The following FLVCR2 variants were observed in gnomAD, a reference collection of about 807,000 sequenced individuals.
The protein encoded by FLVCR2 is FLVCR choline and putative heme transporter 2.
FLVCR2 carries 38 observed loss-of-function variants against 48.9 expected under a neutral mutation model. That is an observed-to-expected ratio of 0.78 (90% CI 0.60 to 1.02). FLVCR2 has a LOEUF of 1.02. FLVCR2 is among the 50% of genes least tolerant of loss of function. The pLI is 0.00. For missense variants in FLVCR2, 664 were observed against 663.3 expected, an observed-to-expected ratio of 1.00 and a Z score of -0.01; for synonymous variants, 255 against 257.0, an observed-to-expected ratio of 0.99 and a Z score of 0.07.
intron 1 of FLVCR2, among the ~76,000 whole-genome samples, chr14:75,588,889 C>A (rs969904722): frequency 6.6e-6 from 1 of 152,152 alleles, no homozygotes; most frequent in Non-Finnish European, 1.5e-5. Context: ...ATCCCAATAG[C>A]CCTGAAAGTC....
Position 75,641,237 on chromosome 14 carries a change from C to G in FLVCR2, c.1397C>G (p.Thr466Ser). 6.2e-7 allele frequency: 1 copy of G among 1,614,048 alleles called. No homozygotes were observed. Among genetic ancestry groups the G allele is most frequent in the Non-Finnish European group, 8.5e-7 (1 of 1,179,994 alleles). Reference protein sequence around the residue: ...SQGQIIDNYGTKPGNIFLCVF... With the variant: ...SQGQIIDNYGSKPGNIFLCVF... ...GGCCAGATTATTGACAACTATGGAA[C>G]CAAGCCTGGGAACATCTTCCTGTGT... The change falls in exon 8 of 10, where the codon ACC becomes AGC. Residue 466 changes from threonine to serine, a missense_variant. Coordinates refer to ENST00000238667, the MANE Select transcript of FLVCR2 (RefSeq NM_017791.3).
At chr14:75,584,983 G>A (rs942373981) in intron 1 of FLVCR2, among the ~76,000 whole-genome samples, 4 of 152,168 alleles carry the variant, frequency 2.6e-5, no homozygotes, top group Admixed American at 1.3e-4. Flanking sequence ...GTCGCTGAAC[G>A]AAAACTGTAA....
chr14:75,646,372 C>T (rs779739613), intron 9 of FLVCR2, 29 bp from the exon 10 acceptor site: 2 of 1,574,358 alleles, frequency 1.3e-6, no homozygotes, highest in African/African-American at 2.7e-5. Flanking sequence ...CCTTTACCCA[C>T]AGCACTGCCT....
At chr14:75,627,642 A>G (rs1889937905) in intron 3 of FLVCR2, among the ~76,000 whole-genome samples, 1 of 152,234 alleles carries the variant, frequency 6.6e-6, no homozygotes, top group Non-Finnish European at 1.5e-5. Context: ...AGCCCTATTC[A>G]TAGGACATGT....
intron 1 of FLVCR2, among the ~76,000 whole-genome samples, chr14:75,604,553 G>C (rs1889243265): frequency 7.1e-6 from 1 of 141,706 alleles, no homozygotes; most frequent in Non-Finnish European, 1.5e-5. Context: ...TAAGATCCCT[G>C]TCTCTACCTA....
chr14:75,635,932 C>T (rs1163961935), intron 5 of FLVCR2, among the ~76,000 whole-genome samples: 2 of 152,176 alleles, frequency 1.3e-5, no homozygotes, highest in Non-Finnish European at 2.9e-5. Context: ...GGCCACTACC[C>T]GCCCCATGGA....
intron 9 of FLVCR2, among the ~76,000 whole-genome samples, chr14:75,645,975 T>C (rs1213703665): frequency 6.9e-6 from 1 of 145,504 alleles, no homozygotes; most frequent in Non-Finnish European, 1.5e-5. Flanking sequence ...CAAGTGGGGG[T>C]TGTTGGAAAT....
chr14:75,579,414 T>G lies in FLVCR2; in HGVS notation c.442T>G (p.Phe148Val). ...LLPVAWLLEK[F>V]GLRTIALTGS... ...GCCAGTGGCTTGGCTGCTGGAGAAGTTCGGCCTGCGCACCATTGCTCTCAC... is the reference window on the plus strand; with the variant it reads ...GCCAGTGGCTTGGCTGCTGGAGAAGGTCGGCCTGCGCACCATTGCTCTCAC... Residue 148 changes from phenylalanine (F) to valine (V), a missense_variant, in exon 1 of 10, where the codon TTC becomes GTC. Physicochemically the swap from Phe to Val is conservative, Grantham distance 50. Transcript: ENST00000238667. The G allele has an allele frequency of 6.2e-7, 1 of 1,614,052 alleles. No homozygotes were observed. The highest frequency in any genetic ancestry group is 8.5e-7 in the Non-Finnish European group (1 of 1,180,028).
intron 1 of FLVCR2, among the ~76,000 whole-genome samples, chr14:75,585,331 G>C (rs771867203): frequency 6.6e-6 from 1 of 152,210 alleles, no homozygotes; most frequent in Non-Finnish European, 1.5e-5. Flanking sequence ...AGGATGGACA[G>C]ATCGAAAGTG....
intron 3 of FLVCR2, among the ~76,000 whole-genome samples, chr14:75,631,297 G>C (rs1048463508): frequency 6.6e-6 from 1 of 152,170 alleles, no homozygotes; most frequent in Non-Finnish European, 1.5e-5. Flanking sequence ...CCTGGAGCAC[G>C]ATCAGAATCA....
At chr14:75,621,413 A>G (rs964921908) in intron 1 of FLVCR2, among the ~76,000 whole-genome samples, 14 of 151,876 alleles carry the variant, frequency 9.2e-5, no homozygotes, top group African/African-American at 2.4e-4. Context: ...TTTAAAAAAA[A>G]AAAAAGAAAA....
chr14:75,624,465 C>A (rs1889846532), intron 2 of FLVCR2, 147 bp from the exon 3 acceptor site: 2 of 864,536 alleles, frequency 2.3e-6, no homozygotes, highest in African/African-American at 3.3e-5. Context: ...AAGAAGGGGG[C>A]TGTTAAGGGT....
rs34627368 is a variant in FLVCR2, at chr14:75,619,477, TCATCCATCCATCCATC to T, written c.670-2573_670-2558del. ...GGATTTTCCACCAACGTTCATCTGC[TCATCCATCCATCCATC>T]CATCCATCCATCCATCCATCCATCC... On this transcript the variant is annotated intron_variant, in intron 1 of 9. Transcript: ENST00000238667. Among the ~76,000 whole-genome samples the T allele has an allele frequency of 2.8e-4, 42 of 150,910 alleles. 1 individual carries two copies. Among genetic ancestry groups the T allele is most frequent in the Middle Eastern group, 6.8e-3 (2 of 292 alleles).
chr14:75,582,099 T>G (rs1801042881), intron 1 of FLVCR2, among the ~76,000 whole-genome samples: 3 of 152,212 alleles, frequency 2.0e-5, no homozygotes, highest in Admixed American at 2.0e-4. Flanking sequence ...TAGCTGCTTC[T>G]TTAGCTACCA....
chr14:75,591,344 C>T (rs1337943837), intron 1 of FLVCR2, among the ~76,000 whole-genome samples: 3 of 152,236 alleles, frequency 2.0e-5, no homozygotes, highest in African/African-American at 7.2e-5. Context: ...CAAGCCCTGG[C>T]CAGCAGACTT....
At chr14:75,605,931 C>A (rs568335832) in intron 1 of FLVCR2, 8 of 408,512 alleles carry the variant, frequency 2.0e-5, no homozygotes, top group Admixed American at 3.6e-5. Context: ...CCTTTGGCGG[C>A]TCTAGAGGTA....
In FLVCR2 at chr14:75,617,764, C is replaced by T. The variant is rs536149317; in HGVS notation, c.670-4315C>T. Among the ~76,000 whole-genome samples, 4 of 152,318 alleles carry T rather than the reference C, an allele frequency of 2.6e-5. No individual in the cohort carries two copies. The South Asian group carries it at 8.3e-4, about 32-fold the overall frequency. The stretch of plus-strand genomic sequence containing the variant: ...CAGTGTGAGCCCTGCCCTCATGGAG[C>T]TTATAATCTGGTTGGGAAGACAGAT... On this transcript the variant is annotated intron_variant, in intron 1 of 9. Coordinates refer to ENST00000238667, the MANE Select transcript of FLVCR2 (RefSeq NM_017791.3).
At chr14:75,605,051 C>T (rs570827499) in intron 1 of FLVCR2, among the ~76,000 whole-genome samples, 5 of 152,004 alleles carry the variant, frequency 3.3e-5, no homozygotes, top group East Asian at 1.9e-4. Flanking sequence ...GGGGACCGGG[C>T]GGGGGGCGCC....
intron 3 of FLVCR2, among the ~76,000 whole-genome samples, chr14:75,629,360 G>T (rs77444060): frequency 6.6e-6 from 1 of 152,120 alleles, no homozygotes; most frequent in South Asian, 2.1e-4. Flanking sequence ...GAGAGGTGCA[G>T]GGGTGGAGCT....
Sources: gnomAD v4.1 joint callset for allele counts (sites outside exome capture counted in the v4.1 genomes callset) on GRCh38, gnomAD v4.1.1 for gene constraint, MANE v1.5 for transcripts, NCBI Gene and HGNC (gene_info 2026-07-23, HGNC 2026-07-21) for gene names.